Variants in RNF14 observed in about 807,000 individuals in gnomAD.
RNF14 encodes the protein E3 ubiquitin-protein ligase RNF14.
A neutral mutation model predicts 52.6 loss-of-function variants in RNF14; 26 were observed. The observed-to-expected ratio is 0.49, with a 90% CI of 0.36 to 0.69. RNF14 has a LOEUF of 0.69. RNF14 is among the 30% of genes least tolerant of loss of function. The pLI is 0.00. For missense variants in RNF14, 404 were observed against 560.4 expected (o/e 0.72, Z 2.82); for synonymous variants, 194 against 202.0 (o/e 0.96, Z 0.34).
chr5:141,975,035 C>G, intron 4 of RNF14, 80 bp downstream of exon 4: 1 of 1,459,678 alleles, frequency 6.9e-7, no homozygotes, highest in Non-Finnish European at 9.4e-7. Context: ...TCTTAAAGAT[C>G]TTGAATTCAG....
chr5:141,975,658 T>G (rs1754177197), intron 4 of RNF14, among the ~76,000 whole-genome samples: 1 of 152,136 alleles, frequency 6.6e-6, no homozygotes, highest in South Asian at 2.1e-4. Flanking sequence ...GGAGAGATAA[T>G]GAATCAGCAG....
upstream of RNF14, chr5:141,955,369 T>C (rs906099860): frequency 6.2e-7 from 1 of 1,614,066 alleles, no homozygotes; most frequent in East Asian, 2.2e-5. The surrounding 1 kb of genome is among the most constrained non-coding windows in gnomAD (Gnocchi z 5.5). Flanking sequence ...GTTGCCTTGA[T>C]TACGCAGCGT....
chr5:141,956,310 T>C (rs1469384242), upstream of RNF14: 1 of 1,614,204 alleles, frequency 6.2e-7, no homozygotes, highest in Non-Finnish European at 8.5e-7. Context: ...TGACCTCTCC[T>C]GTGTTGGAGT....
chr5:141,963,149 G>A (rs1174579374), upstream of RNF14: 1 of 152,164 alleles, frequency 6.6e-6, no homozygotes, highest in African/African-American at 2.4e-5. Flanking sequence ...CTCCTTCTTT[G>A]GTTTTCCTTC....
chr5:141,954,269 G>T (rs1561535497), upstream of RNF14, among the ~76,000 whole-genome samples: 1 of 152,274 alleles, frequency 6.6e-6, no homozygotes, highest in East Asian at 1.9e-4. Context: ...GAAAGCTCTG[G>T]GGTCTCAGAC....
intron 3 of RNF14, among the ~76,000 whole-genome samples, chr5:141,974,215 C>A (rs1754044954): frequency 6.6e-6 from 1 of 152,198 alleles, no homozygotes; most frequent in Non-Finnish European, 1.5e-5. Flanking sequence ...TTACAGAAGA[C>A]TTTGATGCAC....
At chr5:141,954,258 G>A (rs868304216), upstream of RNF14, among the ~76,000 whole-genome samples, 18 of 152,188 alleles carry the variant, frequency 1.2e-4, no homozygotes, top group African/African-American at 1.4e-4. Context: ...AGGCCCAGCC[G>A]GAAAGCTCTG....
At chr5:141,956,633 C>A (rs572400731), upstream of RNF14, 249 of 1,614,152 alleles carry the variant, frequency 1.5e-4, 4 homozygotes, top group South Asian at 2.4e-3. Flanking sequence ...TATGTGTTGC[C>A]ATTAGTTCTT....
intron 5 of RNF14, among the ~76,000 whole-genome samples, chr5:141,979,898 TAAAAC>T (rs1012540014): frequency 5.9e-5 from 9 of 152,260 alleles, no homozygotes; most frequent in Admixed American, 2.6e-4. Context: ...TCTAAAGAAA[TAAAAC>T]TAAAATATAA....
At chr5:141,966,908 G>C (rs1753362215), upstream of RNF14, 1 of 152,258 alleles carries the variant, frequency 6.6e-6, no homozygotes, top group Non-Finnish European at 1.5e-5. Context: ...CTCTGAGGTA[G>C]GGTTGCTGTG....
At chr5:141,963,647 T>TGG (rs572687565), upstream of RNF14, among the ~76,000 whole-genome samples, 110 of 152,240 alleles carry the variant, frequency 7.2e-4, 1 homozygote, top group Non-Finnish European at 1.4e-3. Flanking sequence ...ATTTATTTGG[T>TGG]GGAATTTAGC....
chr5:141,987,959 TTGA>T lies in RNF14; in HGVS notation c.*171_*173del, dbSNP rs1755391908. The T allele has an allele frequency of 3.4e-6, 2 of 591,930 alleles. No homozygotes were observed. The highest frequency in any genetic ancestry group is 6.1e-5 in the Admixed American group (2 of 33,004). 36.7% of individuals were successfully genotyped at this position (591,930 alleles called of 1,614,324 possible). ...ATGTGGTACTACTGAAGAAGGTGCA[TTGA>T]TACATTTTTAAATGTAAGTTGAGAA... On this transcript the variant is annotated 3_prime_UTR_variant, in exon 9 of 9. Transcript: ENST00000394520.
upstream of RNF14, among the ~76,000 whole-genome samples, chr5:141,953,586 C>T (rs941679752): frequency 6.6e-6 from 1 of 152,208 alleles, no homozygotes; most frequent in African/African-American, 2.4e-5. Context: ...AAGTTGATCC[C>T]AAATGGGCAC....
At chr5:141,965,632 C>G (rs1753328825), upstream of RNF14, among the ~76,000 whole-genome samples, 1 of 152,198 alleles carries the variant, frequency 6.6e-6, no homozygotes, top group Non-Finnish European at 1.5e-5. Context: ...GGAATCGGCT[C>G]TAACCCTGGC....
At chr5:141,980,003 G>T (rs1754622420) in intron 5 of RNF14, 120 bp from the exon 6 acceptor site, 1 of 755,612 alleles carries the variant, frequency 1.3e-6, no homozygotes, top group East Asian at 2.5e-5. Context: ...TGATTTTGAA[G>T]TGAAAGAGAG....
upstream of RNF14, among the ~76,000 whole-genome samples, chr5:141,962,836 C>A (rs756694511): frequency 3.9e-5 from 6 of 152,112 alleles, no homozygotes; most frequent in Non-Finnish European, 5.9e-5. Flanking sequence ...GTCTTTCTCC[C>A]CAACCTTCGA....
At chr5:141,985,949 C>G (rs1755201282) in intron 8 of RNF14, among the ~76,000 whole-genome samples, 2 of 152,180 alleles carry the variant, frequency 1.3e-5, no homozygotes, top group South Asian at 4.1e-4. Flanking sequence ...GCTTGTTTCT[C>G]TTATTTGCTA....
chr5:141,986,203 A>C (rs1314034592), intron 8 of RNF14, among the ~76,000 whole-genome samples: 1 of 152,230 alleles, frequency 6.6e-6, no homozygotes, highest in Non-Finnish European at 1.5e-5. Context: ...CCTGTTCTCC[A>C]AGAGCTCTCC....
Position 141,959,333 on chromosome 5 carries a change from ACCT to A in RNF14, c.-181+913_-181+915del, listed in dbSNP as rs946298191. On this transcript the variant is annotated intron_variant, in intron 1 of 4. Transcript: ENST00000506822. Reference sequence around the variant, plus strand: ...TTAAGGGATACCCTATCTTCCACTCACCTCCTCATAAGGTGAAATTCAGGAAGG... The same window carrying A: ...TTAAGGGATACCCTATCTTCCACTCACCTCATAAGGTGAAATTCAGGAAGG... 6.5e-4 allele frequency among the ~76,000 whole-genome samples: 98 copies of A among 151,566 alleles called. 1 individual carries two copies. Among genetic ancestry groups the A allele is most frequent in the Non-Finnish European group, 1.0e-4 (7 of 67,926 alleles).
Sources: allele counts gnomAD v4.1 joint callset (sites outside exome capture counted in the v4.1 genomes callset), GRCh38; gene constraint gnomAD v4.1.1; non-coding constraint Gnocchi (gnomAD v3.1); transcripts MANE v1.5; gene names NCBI Gene and HGNC (gene_info 2026-07-23, HGNC 2026-07-21).